Variants in HCN1 observed in about 807,000 individuals in gnomAD.
HCN1 encodes potassium/sodium hyperpolarization-activated cyclic nucleotide-gated channel 1.
In HCN1, 13 loss-of-function variants were observed where a neutral mutation model predicts 78.9. The observed-to-expected ratio is 0.16, with a 90% confidence interval of 0.11 to 0.26. The LOEUF (loss-of-function observed/expected upper bound fraction) is 0.26, where lower values mean the gene tolerates loss of function less well. Ranked by LOEUF, HCN1 falls within the 10% of genes least tolerant of loss-of-function variation. The probability of loss-of-function intolerance (pLI) is 1.00; values close to 1 mark genes in which losing one functional copy is unlikely to be tolerated. For synonymous variants in HCN1, 552 were observed against 455.5 expected, an observed-to-expected ratio of 1.21 and a Z score of -2.70; for missense variants, 810 against 1,154.3, an observed-to-expected ratio of 0.70 and a Z score of 4.32.
intron 1 of HCN1, among the ~76,000 whole-genome samples, chr5:45,672,567 T>TAA (rs1312900071): frequency 1.3e-4 from 17 of 130,366 alleles, no homozygotes; most frequent in African/African-American, 2.6e-4. Flanking sequence ...GCGAATTAAG[T>TAA]AAAAAAAAAA....
chr5:45,373,798 A>T lies in HCN1; in HGVS notation c.1231-20552T>A, dbSNP rs868847736. Among the ~76,000 whole-genome samples, 655 of 123,818 alleles carry T rather than the reference A, an allele frequency of 5.3e-3. 44 individuals are homozygous for T. The highest frequency in any genetic ancestry group is 0.021 in the African/African-American group (639 of 30,682). The allele number at this position is 123,818 out of a possible 152,430, so 81.2% of individuals were successfully genotyped here. On this transcript the variant is annotated intron_variant, in intron 4 of 7. Transcript: ENST00000303230. ...ATATATTACATACGGTATATACGTC[A>T]TCTATAATATATTACATACGGTATA...
At chr5:45,301,283 A>G (rs141630601) in intron 6 of HCN1, among the ~76,000 whole-genome samples, 34 of 145,332 alleles carry the variant, frequency 2.3e-4, no homozygotes, top group African/African-American at 8.2e-4. Context: ...AATATTTCAT[A>G]TTATACTCAC....
chr5:45,606,122 T>C (rs1744722860), intron 2 of HCN1, among the ~76,000 whole-genome samples: 1 of 152,066 alleles, frequency 6.6e-6, no homozygotes, highest in South Asian at 2.1e-4. Context: ...AAGAACACCA[T>C]GACTCTTATA....
intron 2 of HCN1, among the ~76,000 whole-genome samples, chr5:45,600,528 C>T (rs1561215911): frequency 6.6e-6 from 1 of 152,116 alleles, no homozygotes. Context: ...TACCAGTATA[C>T]TAGCCATTAG....
intron 2 of HCN1, among the ~76,000 whole-genome samples, chr5:45,493,379 T>A (rs1741937984): frequency 2.0e-5 from 3 of 152,162 alleles, no homozygotes; most frequent in South Asian, 4.1e-4. Context: ...AATATAATTT[T>A]CTAATGTCTC....
At position 45,632,145 on chromosome 5, in the gene HCN1, G is replaced by C. The variant is rs549965050; in HGVS notation, c.849+13040C>G. 7.9e-5 allele frequency among the ~76,000 whole-genome samples: 12 copies of C among 152,022 alleles called. No homozygotes were observed. In the East Asian group the frequency reaches 2.1e-3, roughly 27 times the overall value. On this transcript the variant is annotated intron_variant, in intron 2 of 7. Coordinates refer to ENST00000303230, the MANE Select transcript of HCN1 (RefSeq NM_021072.4). ...AATTAATAAAAACATAAAATTAATG[G>C]TTCTTCAACTAAGGGGTCGATCATA...
At chr5:45,673,478 T>A (rs1746198036) in intron 1 of HCN1, among the ~76,000 whole-genome samples, 1 of 151,586 alleles carries the variant, frequency 6.6e-6, no homozygotes, top group South Asian at 2.1e-4. Flanking sequence ...ACTTTTTATA[T>A]CAGTATGATC....
chr5:45,585,433 T>C (rs968213338), intron 2 of HCN1, among the ~76,000 whole-genome samples: 4 of 152,050 alleles, frequency 2.6e-5, no homozygotes, highest in Non-Finnish European at 4.4e-5. Context: ...ATTCGTCTAA[T>C]TTTTTTTCAA....
intron 2 of HCN1, among the ~76,000 whole-genome samples, chr5:45,616,891 T>G (rs1744968365): frequency 6.6e-6 from 1 of 152,010 alleles, no homozygotes; most frequent in African/African-American, 2.4e-5. Flanking sequence ...CCTAGAAATG[T>G]TGCTTACTCT....
At chr5:45,548,565 A>T (rs1743281396) in intron 2 of HCN1, among the ~76,000 whole-genome samples, 1 of 152,096 alleles carries the variant, frequency 6.6e-6, no homozygotes, top group African/African-American at 2.4e-5. Context: ...AACTGGAAGC[A>T]TTCCCTTTGA....
At chr5:45,622,253 A>G (rs1392173006) in intron 2 of HCN1, among the ~76,000 whole-genome samples, 1 of 152,136 alleles carries the variant, frequency 6.6e-6, no homozygotes, top group Non-Finnish European at 1.5e-5. Context: ...CTTTCTAAAA[A>G]GAAAAGAAAG....
rs142155302 is a variant in HCN1, at chr5:45,501,120, A to T, written c.850-39113T>A. On this transcript the variant is annotated intron_variant, in intron 2 of 7. Transcript: ENST00000303230. ...TGAAGAGGTGGCAGCTCAAATAATA[A>T]CTGACTGGGCAGCAGAAACAAAATG... is the stretch of plus-strand genomic sequence containing the variant. Among the ~76,000 whole-genome samples the T allele has an allele frequency of 4.9e-3, 749 of 152,310 alleles. 3 individuals carry two copies. The highest frequency in any genetic ancestry group is 0.01 in the Admixed American group (160 of 15,302).
chr5:45,569,367 A>G (rs1175062298), intron 2 of HCN1, among the ~76,000 whole-genome samples: 2 of 152,172 alleles, frequency 1.3e-5, no homozygotes, highest in Admixed American at 6.6e-5. Context: ...TCTAAATGTA[A>G]TATTAAAGGT....
chr5:45,349,820 C>A (rs564101120), intron 5 of HCN1, among the ~76,000 whole-genome samples: 1 of 151,924 alleles, frequency 6.6e-6, no homozygotes, highest in South Asian at 2.1e-4. Context: ...CAAGACTAAA[C>A]CAGGAAGAAG....
intron 2 of HCN1, among the ~76,000 whole-genome samples, chr5:45,562,812 A>G (rs1743632557): frequency 6.6e-6 from 1 of 152,216 alleles, no homozygotes; most frequent in South Asian, 2.1e-4. Context: ...ATGATACTTC[A>G]TGTAAATTGA....
chr5:45,369,387 T>C (rs1747302685), intron 4 of HCN1, among the ~76,000 whole-genome samples: 1 of 152,024 alleles, frequency 6.6e-6, no homozygotes, highest in South Asian at 2.1e-4. Flanking sequence ...TGGCATAACT[T>C]TGTTTAAACT....
intron 4 of HCN1, among the ~76,000 whole-genome samples, chr5:45,372,262 T>TATATATTATATATATA (rs1747412224): frequency 1.2e-5 from 1 of 82,708 alleles, no homozygotes; most frequent in Non-Finnish European, 2.1e-5. Flanking sequence ...TATATATTTA[T>TATATATTATATATATA]ATATATATTT....
intron 3 of HCN1, among the ~76,000 whole-genome samples, chr5:45,457,073 A>C (rs891201010): frequency 6.6e-6 from 1 of 152,032 alleles, no homozygotes; most frequent in African/African-American, 2.4e-5. Flanking sequence ...TATATTTATA[A>C]GATTGCTAGT....
intron 4 of HCN1, among the ~76,000 whole-genome samples, chr5:45,375,140 A>T (rs865928125): frequency 2.8e-4 from 34 of 121,490 alleles, no homozygotes; most frequent in Middle Eastern, 4.1e-3. Context: ...TATATTTTAT[A>T]ATATATAATG....
Sources: allele counts gnomAD v4.1 joint callset (sites outside exome capture counted in the v4.1 genomes callset), GRCh38; gene constraint gnomAD v4.1.1; transcripts MANE v1.5; gene names NCBI Gene and HGNC (gene_info 2026-07-23, HGNC 2026-07-21).